Variants in ANK3 observed in about 807,000 individuals in gnomAD.
ANK3 encodes the protein ankyrin 3.
In ANK3, 57 loss-of-function variants were observed where a neutral mutation model predicts 370.9. That is an observed-to-expected ratio of 0.15 (90% CI 0.12 to 0.19). ANK3 has a LOEUF of 0.19. Ranked by LOEUF, ANK3 falls within the 10% of genes least tolerant of loss-of-function variation. The pLI is 1.00. For missense variants in ANK3, 4,439 were observed against 5,302.1 expected (o/e 0.84, Z 5.06); for synonymous variants, 1,929 against 1,946.3 (o/e 0.99, Z 0.23).
chr10:60,229,249 C>A (rs1190540190), intron 8 of ANK3, among the ~76,000 whole-genome samples: 1 of 152,086 alleles, frequency 6.6e-6, no homozygotes, highest in East Asian at 1.9e-4. Context: ...GAAACATTTT[C>A]AGGCTAGTTT....
intron 1 of ANK3, among the ~76,000 whole-genome samples, chr10:60,631,415 C>T (rs1054391095): frequency 6.6e-6 from 1 of 151,942 alleles, no homozygotes; most frequent in African/African-American, 2.4e-5. Flanking sequence ...GCCTCTAGTC[C>T]CAGCCACTTG....
At chr10:60,120,793 T>C (rs919755354) in intron 25 of ANK3, among the ~76,000 whole-genome samples, 3 of 152,130 alleles carry the variant, frequency 2.0e-5, no homozygotes, top group African/African-American at 4.8e-5. Flanking sequence ...TTAGTTAAAA[T>C]AGCTTTTATC....
intron 2 of ANK3, among the ~76,000 whole-genome samples, chr10:60,417,160 G>T (rs2063686022): frequency 6.6e-6 from 1 of 152,176 alleles, no homozygotes; most frequent in Admixed American, 6.6e-5. Context: ...ACAAGAAAAA[G>T]TTTGAGATTA....
At chr10:60,728,798 G>C (rs1231258429) in intron 1 of ANK3, among the ~76,000 whole-genome samples, 1 of 152,036 alleles carries the variant, frequency 6.6e-6, no homozygotes, top group Non-Finnish European at 1.5e-5. Context: ...TCCAATTTCA[G>C]GTTACCAAAT....
At chr10:60,432,733 C>T (rs536142558) in intron 2 of ANK3, among the ~76,000 whole-genome samples, 47 of 152,102 alleles carry the variant, frequency 3.1e-4, no homozygotes, top group Non-Finnish European at 6.3e-4. Flanking sequence ...GGAGGAGGCC[C>T]AGCATGGGTA....
chr10:60,643,515 T>G (rs892920264), intron 1 of ANK3, among the ~76,000 whole-genome samples: 1 of 151,508 alleles, frequency 6.6e-6, no homozygotes, highest in Non-Finnish European at 1.5e-5. Context: ...TATCTATCTA[T>G]CTATCTATCT....
Position 60,279,089 on chromosome 10 carries a change from C to T in ANK3, c.276G>A (p.Glu92=). ...CCACATTGGCTTCTCTCTGCAGCAG[C>T]TCAGAAACAACCTCTACATGGCCTT... is the stretch of plus-strand genomic sequence containing the variant. ...SKEGHVEVVS[E]LLQREANVDA... The change falls in exon 3 of 44, where the codon GAG becomes GAA. Residue 92 remains glutamate (E), a synonymous_variant. Transcript: ENST00000280772. 1 of 1,613,968 alleles carries T rather than the reference C, an allele frequency of 6.2e-7. No homozygotes were observed. The highest frequency in any genetic ancestry group is 8.5e-7 in the Non-Finnish European group (1 of 1,179,934).
rs9919445 is a variant in ANK3, at chr10:60,187,479, G to C, written c.1888-567C>G. ...TTAATATGGACATTTTAATCAAAAA[G>C]AGTTAGAGCATTATTGGTTTTCCAA... On this transcript the variant is annotated intron_variant, in intron 16 of 43. Transcript: ENST00000280772. Among the ~76,000 whole-genome samples, 1,312 of 152,174 alleles carry C rather than the reference G, an allele frequency of 8.6e-3. 17 individuals carry two copies. Among genetic ancestry groups the C allele is most frequent in the African/African-American group, 0.03 (1,237 of 41,514 alleles).
chr10:60,316,451 T>G (rs760930115), intron 1 of ANK3, among the ~76,000 whole-genome samples: 11 of 152,238 alleles, frequency 7.2e-5, no homozygotes, highest in Admixed American at 2.0e-4. Context: ...TTTCGTCTTC[T>G]GGAGTTACTT....
chr10:60,532,567 A>T (rs1595221131), intron 2 of ANK3, among the ~76,000 whole-genome samples: 1 of 152,102 alleles, frequency 6.6e-6, no homozygotes, highest in Admixed American at 6.6e-5. Context: ...GATGAGAAGA[A>T]CTGTTTGCAG....
rs565825862 is a variant in ANK3, at chr10:60,599,567, G to A, written c.96+15619C>T. 9.9e-5 allele frequency among the ~76,000 whole-genome samples: 15 copies of A among 151,856 alleles called. No homozygotes were observed. The South Asian group carries it at 2.3e-3, about 23-fold the overall frequency. Reference sequence around the variant, plus strand: ...TCTACTAATTCTAACAGTTCTAACCGCACAATATTTCCCAATCTGTCTACT... The same window carrying A: ...TCTACTAATTCTAACAGTTCTAACCACACAATATTTCCCAATCTGTCTACT... On this transcript the variant is annotated intron_variant, in intron 2 of 43. Coordinates refer to the ANK3 transcript ENST00000373827.
At chr10:60,233,028 G>T (rs930441631) in intron 8 of ANK3, among the ~76,000 whole-genome samples, 2 of 152,188 alleles carry the variant, frequency 1.3e-5, no homozygotes, top group Non-Finnish European at 2.9e-5. Context: ...TCGATAGATG[G>T]ATGTTTGTCG....
intron 18 of ANK3, among the ~76,000 whole-genome samples, chr10:60,177,361 A>G (rs1040954656): frequency 6.6e-6 from 1 of 152,192 alleles, no homozygotes; most frequent in Non-Finnish European, 1.5e-5. Context: ...GTCCAGATCA[A>G]TATGTGAGTC....
chr10:60,184,902 A>G (rs2096284675), intron 17 of ANK3, among the ~76,000 whole-genome samples: 1 of 152,210 alleles, frequency 6.6e-6, no homozygotes, highest in Non-Finnish European at 1.5e-5. Flanking sequence ...ATGGGCTCAC[A>G]AGAGAAAATA....
At chr10:60,319,878 T>C (rs1006126693) in intron 1 of ANK3, among the ~76,000 whole-genome samples, 1 of 152,194 alleles carries the variant, frequency 6.6e-6, no homozygotes, top group African/African-American at 2.4e-5. Flanking sequence ...CTGTTATCTC[T>C]TTCCCTAGTC....
chr10:60,372,258 A>G (rs1196093242), intron 1 of ANK3, among the ~76,000 whole-genome samples: 2 of 152,224 alleles, frequency 1.3e-5, no homozygotes, highest in African/African-American at 4.8e-5. Context: ...AACAACTGTG[A>G]CTTTGGCCCC....
At chr10:60,059,718 T>C in intron 40 of ANK3, 1 of 1,613,218 alleles carries the variant, frequency 6.2e-7, no homozygotes, top group Non-Finnish European at 8.5e-7. Flanking sequence ...ATTCTCCAAC[T>C]GGCTCTCATC....
intron 2 of ANK3, among the ~76,000 whole-genome samples, chr10:60,452,289 T>C (rs543193314): frequency 1.3e-5 from 2 of 152,222 alleles, no homozygotes; most frequent in Non-Finnish European, 2.9e-5. Context: ...CTTATTGATT[T>C]CAGTGTAACC....
At chr10:60,499,271 T>C (rs1311821360) in intron 2 of ANK3, among the ~76,000 whole-genome samples, 1 of 152,214 alleles carries the variant, frequency 6.6e-6, no homozygotes, top group Non-Finnish European at 1.5e-5. Flanking sequence ...AGGAATCTTA[T>C]TTATAATACA....
Sources: gnomAD v4.1 joint callset for allele counts (sites outside exome capture counted in the v4.1 genomes callset) on GRCh38, gnomAD v4.1.1 for gene constraint, MANE v1.5 for transcripts, NCBI Gene and HGNC (gene_info 2026-07-23, HGNC 2026-07-21) for gene names.